Variants in TWF1 observed in about 807,000 individuals in gnomAD.
The protein encoded by TWF1 is twinfilin actin binding protein 1, also known as twinfilin-1.
A neutral mutation model predicts 47.9 loss-of-function variants in TWF1; 14 were observed. The observed-to-expected ratio is 0.29, with a 90% CI of 0.19 to 0.46. TWF1 has a LOEUF of 0.46. Ranked by LOEUF, TWF1 falls within the 20% of genes least tolerant of loss-of-function variation. The probability of loss-of-function intolerance (pLI) is 1.00; values close to 1 mark genes in which losing one functional copy is unlikely to be tolerated. For synonymous variants in TWF1, 96 were observed against 139.2 expected, an observed-to-expected ratio of 0.69 and a Z score of 2.18; for missense variants, 281 against 409.3, an observed-to-expected ratio of 0.69 and a Z score of 2.70.
chr12:43,804,504 T>C lies in TWF1; in HGVS notation c.94A>G (p.Ile32Val), dbSNP rs760545574. Residue 32 changes from isoleucine to valine, a missense_variant, in exon 2 of 9, where the codon ATT becomes GTT. Physicochemically the swap from Ile to Val is conservative, Grantham distance 29. Coordinates refer to ENST00000395510, the MANE Select transcript of TWF1 (RefSeq NM_002822.5). ...AAAATATTTAACTAACCATTTTCAA[T>C]AGATATTTTCAGAAGTCTGTACTTT... ...NGKYRLLKIS[I>V]ENEQLVIGSY... is the part of the protein sequence containing the mutation. 6.9e-6 allele frequency: 11 copies of C among 1,586,802 alleles called. No homozygotes were observed. Among genetic ancestry groups the C allele is most frequent in the African/African-American group, 5.4e-5 (4 of 74,074 alleles).
chr12:43,797,000 T>C lies in TWF1; in HGVS notation c.858A>G (p.Gln286=), dbSNP rs974909394. The C allele has an allele frequency of 5.0e-6, 8 of 1,611,078 alleles. No individual in the cohort carries two copies. Among genetic ancestry groups the C allele is most frequent in the Non-Finnish European group, 6.8e-6 (8 of 1,179,314 alleles). ...KSRLLEIVER[Q]LQMDVIRKIE... is the part of the protein sequence containing the mutation. The stretch of plus-strand genomic sequence containing the variant: ...CCTTTCTAATTACATCCATTTGTAG[T>C]TGTCTTTCTACAATTTCTAGCAGAC... Residue 286 remains glutamine (Q), a synonymous_variant, in exon 8 of 9, where the codon CAA becomes CAG. Coordinates refer to ENST00000395510, the MANE Select transcript of TWF1 (RefSeq NM_002822.5).
In TWF1 at chr12:43,795,383, C is replaced by G. The variant is rs111381081; in HGVS notation, c.*202G>C. Reference sequence around the variant, plus strand: ...GACAAAATTAAACATTATGTTGAACCCTTTTCTAGCTTTAACTCAAAAATA... The same window carrying G: ...GACAAAATTAAACATTATGTTGAACGCTTTTCTAGCTTTAACTCAAAAATA... On this transcript the variant is annotated 3_prime_UTR_variant, in exon 9 of 9. Transcript: ENST00000395510. 2.3e-5 allele frequency: 12 copies of G among 514,198 alleles called. No individual in the cohort carries two copies. Among genetic ancestry groups the G allele is most frequent in the Admixed American group, 1.3e-4 (4 of 30,276 alleles). The allele number at this position is 514,198 out of a possible 1,614,324, so 31.9% of individuals were successfully genotyped here.
chr12:43,795,700 T>C lies in TWF1; in HGVS notation c.938A>G (p.His313Arg), dbSNP rs1942537362. The C allele has an allele frequency of 3.1e-6, 5 of 1,613,856 alleles. No individual in the cohort carries two copies. In the Admixed American group the frequency reaches 8.3e-5, roughly 27 times the overall value. ...TTGCTTGTGTGCATGCTGCTTGGGA[T>C]GTACTTCTTCATAAAGGAAGTCTGC... is the stretch of plus-strand genomic sequence containing the variant. ...LTADFLYEEV[H>R]PKQHAHKQSF... is the part of the protein sequence containing the mutation. Residue 313 changes from histidine (H) to arginine (R), a missense_variant, in exon 9 of 9, where the codon CAT (histidine) becomes CGT (arginine). By Grantham distance (29) the His-to-Arg change is conservative. Coordinates refer to ENST00000395510, the MANE Select transcript of TWF1 (RefSeq NM_002822.5).
chr12:43,805,576 CA>C (rs1351473871), intron 1 of TWF1: 3 of 463,272 alleles, frequency 6.5e-6, no homozygotes, highest in African/African-American at 4.0e-5. Flanking sequence ...GATATAACTG[CA>C]TATTGAACTG....
intron 4 of TWF1, 146 bp from the exon 5 acceptor site, chr12:43,799,648 T>C: frequency 1.9e-6 from 1 of 515,222 alleles, no homozygotes; most frequent in Non-Finnish European, 3.3e-6. Context: ...TTTACTTTTC[T>C]TTAATCCTCA....
chr12:43,798,114 G>A (rs1592277341), intron 5 of TWF1, among the ~76,000 whole-genome samples: 1 of 152,056 alleles, frequency 6.6e-6, no homozygotes, highest in Non-Finnish European at 1.5e-5. Flanking sequence ...AATTTCTTTA[G>A]AGTGTCATCA....
chr12:43,805,828 C>T, intron 1 of TWF1: 2 of 1,384,544 alleles, frequency 1.4e-6, no homozygotes, highest in Non-Finnish European at 1.9e-6. Context: ...AAAGAAAACT[C>T]GCCTGGTTCT....
intron 6 of TWF1, 29 bp from the exon 7 acceptor site, chr12:43,797,481 TA>T (rs761133160): frequency 1.3e-6 from 2 of 1,516,114 alleles, no homozygotes; most frequent in Non-Finnish European, 1.8e-6. Flanking sequence ...ATATGTTCAT[TA>T]AAACCAGATA....
chr12:43,805,429 C>T (rs911616363), intron 1 of TWF1: 2 of 398,644 alleles, frequency 5.0e-6, no homozygotes, highest in African/African-American at 4.1e-5. Flanking sequence ...GAAAGACTCG[C>T]TATTAACAGT....
intron 4 of TWF1, among the ~76,000 whole-genome samples, chr12:43,800,195 A>C (rs1167836782): frequency 1.3e-5 from 2 of 152,198 alleles, no homozygotes; most frequent in Non-Finnish European, 2.9e-5. Flanking sequence ...TATTTACCAT[A>C]TACTTTAGAA....
chr12:43,803,988 T>C (rs544131557), intron 2 of TWF1, among the ~76,000 whole-genome samples: 1 of 152,252 alleles, frequency 6.6e-6, no homozygotes, highest in African/African-American at 2.4e-5. Context: ...AGAATTATTT[T>C]TAAAGAATCA....
At chr12:43,805,770 G>T in intron 1 of TWF1, 1 of 1,345,466 alleles carries the variant, frequency 7.4e-7, no homozygotes, top group East Asian at 4.5e-5. Context: ...TTCTGGCATG[G>T]TTCTTTTTGT....
At position 43,797,186 on chromosome 12, in the gene TWF1, C is replaced by T. The variant is rs1390793731; in HGVS notation, c.761-89G>A. 23 of 1,480,640 alleles carry T rather than the reference C, an allele frequency of 1.6e-5. No homozygotes were observed. The East Asian group carries it at 5.0e-4, about 32-fold the overall frequency. 91.7% of individuals were successfully genotyped at this position (1,480,640 alleles called of 1,614,324 possible). On this transcript the variant is annotated intron_variant, in intron 7 of 8. Transcript: ENST00000395510. ...TATATAAACTTCATAAAAACAAGTA[C>T]AGAAACTTCATAAAACTACAGCTAA...
Position 43,806,232 on chromosome 12 carries a change from G to C in TWF1, c.14C>G (p.Thr5Ser). Reference sequence around the variant, plus strand: ...CCGGGCGCTGTTACCTTGGATGCCGGTCTGGTGGGACATGGCGGCGGCCGC... The same window carrying C: ...CCGGGCGCTGTTACCTTGGATGCCGCTCTGGTGGGACATGGCGGCGGCCGC... MSHQ[T>S]GIQASEDVKE... Residue 5 changes from threonine to serine, a missense_variant, in exon 1 of 9, where the codon ACC (threonine) becomes AGC (serine). Coordinates refer to ENST00000395510, the MANE Select transcript of TWF1 (RefSeq NM_002822.5). 3 of 1,538,938 alleles carry C rather than the reference G, an allele frequency of 1.9e-6. No individual in the cohort carries two copies. The highest frequency in any genetic ancestry group is 2.6e-6 in the Non-Finnish European group (3 of 1,144,060).
chr12:43,805,640 A>G (rs1942747289), intron 1 of TWF1: 1 of 550,400 alleles, frequency 1.8e-6, no homozygotes, highest in Admixed American at 2.3e-5. Flanking sequence ...GGGAGTATCT[A>G]GGAAAAAGAT....
chr12:43,796,367 T>C (rs1213315612), intron 8 of TWF1, among the ~76,000 whole-genome samples: 2 of 152,124 alleles, frequency 1.3e-5, no homozygotes, highest in Non-Finnish European at 1.5e-5. Flanking sequence ...TGGTAGTTTT[T>C]AAGGACCTGT....
intron 1 of TWF1, chr12:43,805,989 A>C: frequency 2.0e-6 from 3 of 1,537,056 alleles, no homozygotes; most frequent in Non-Finnish European, 2.6e-6. Flanking sequence ...CGCTCCCCCG[A>C]ATTTCGGATC....
intron 2 of TWF1, 36 bp from the exon 3 acceptor site, chr12:43,802,500 GT>G: frequency 2.0e-6 from 3 of 1,478,816 alleles, no homozygotes; most frequent in Non-Finnish European, 2.8e-6. Flanking sequence ...TAGGTAAATG[GT>G]TTGAGATATC....
chr12:43,794,317 T>C lies in TWF1; in HGVS notation c.*1268A>G, dbSNP rs552168065. On this transcript the variant is annotated 3_prime_UTR_variant, in exon 9 of 9. Transcript: ENST00000395510. ...TTTTAAAAATCTGTCAACCCACAAT[T>C]ATTCTAATATGCTTTACTTACTCGA... 3.8e-3 allele frequency: 586 copies of C among 152,768 alleles called. 3 individuals are homozygous for C. The highest frequency in any genetic ancestry group is 5.8e-3 in the Non-Finnish European group (396 of 68,024). The allele number at this position is 152,768 out of a possible 1,614,324, so 9.5% of individuals were successfully genotyped here.
Sources: gnomAD v4.1 joint callset for allele counts (sites outside exome capture counted in the v4.1 genomes callset) on GRCh38, gnomAD v4.1.1 for gene constraint, MANE v1.5 for transcripts, NCBI Gene and HGNC (gene_info 2026-07-23, HGNC 2026-07-21) for gene names.